The following KANK1 variants were observed in gnomAD, a reference collection of about 807,000 sequenced individuals.
KANK1 encodes the protein KN motif and ankyrin repeat domain-containing protein 1.
A neutral mutation model predicts 106.2 loss-of-function variants in KANK1; 109 were observed. The observed-to-expected ratio is 1.03, with a 90% CI of 0.88 to 1.20. KANK1 has a LOEUF of 1.20. Ranked by LOEUF, KANK1 falls within the 50% of genes most tolerant of loss-of-function variation. The pLI is 0.00. For synonymous variants in KANK1, 873 were observed against 652.2 expected, an observed-to-expected ratio of 1.34 and a Z score of -5.16; for missense variants, 2,399 against 1,710.7, an observed-to-expected ratio of 1.40 and a Z score of -7.10.
chr9:709,306 A>G (rs1318986872), intron 2 of KANK1, among the ~76,000 whole-genome samples: 6 of 152,174 alleles, frequency 3.9e-5, no homozygotes, highest in Non-Finnish European at 8.8e-5. Context: ...TAAATATCCC[A>G]TGCCCCAGCT....
At chr9:566,058 T>C (rs1244130823) in intron 1 of KANK1, among the ~76,000 whole-genome samples, 1 of 152,218 alleles carries the variant, frequency 6.6e-6, no homozygotes. Context: ...GTTGTTGTCC[T>C]CTATGTGCCC....
intron 1 of KANK1, among the ~76,000 whole-genome samples, chr9:601,423 C>G (rs1827714053): frequency 1.3e-5 from 2 of 151,758 alleles, no homozygotes; most frequent in Non-Finnish European, 2.9e-5. Context: ...CCTTGTCATT[C>G]CCTGTCAGTT....
intron 3 of KANK1, among the ~76,000 whole-genome samples, chr9:716,144 A>T (rs1391675089): frequency 6.6e-6 from 1 of 152,240 alleles, no homozygotes; most frequent in Non-Finnish European, 1.5e-5. Flanking sequence ...CACTTATATG[A>T]ACCTAACACA....
chr9:721,743 T>G (rs1294033168), intron 3 of KANK1, among the ~76,000 whole-genome samples: 1 of 152,232 alleles, frequency 6.6e-6, no homozygotes, highest in Non-Finnish European at 1.5e-5. Context: ...GGACTTTCAC[T>G]TCTTGTGGTA....
chr9:734,108 C>CAAAAAAAAAA (rs34096121), intron 6 of KANK1: 2 of 60,410 alleles, frequency 3.3e-5, no homozygotes, highest in Non-Finnish European at 5.5e-5. Context: ...GACCTTGTCT[C>CAAAAAAAAAA]AAAAAAAAAA....
intron 3 of KANK1, among the ~76,000 whole-genome samples, chr9:498,024 T>G (rs943336612): frequency 6.6e-6 from 1 of 152,124 alleles, no homozygotes; most frequent in Non-Finnish European, 1.5e-5. Context: ...TATACCCTCT[T>G]AGGCCCTGAT....
intron 1 of KANK1, among the ~76,000 whole-genome samples, chr9:649,937 GAA>G (rs1840521889): frequency 6.6e-6 from 1 of 152,140 alleles, no homozygotes; most frequent in African/African-American, 2.4e-5. Flanking sequence ...TTTAGAATGA[GAA>G]AAGAGGATTG....
chr9:614,103 G>T (rs1831222007), intron 1 of KANK1, among the ~76,000 whole-genome samples: 2 of 152,200 alleles, frequency 1.3e-5, no homozygotes, highest in Admixed American at 1.3e-4. Context: ...GCCAGTGGCT[G>T]CAGGGTTTCC....
At chr9:608,847 G>A (rs1829930995) in intron 1 of KANK1, among the ~76,000 whole-genome samples, 1 of 152,158 alleles carries the variant, frequency 6.6e-6, no homozygotes, top group South Asian at 2.1e-4. Flanking sequence ...AGCCAATGTT[G>A]AGACTGAGTG....
chr9:603,718 G>C (rs1279710414), intron 1 of KANK1, among the ~76,000 whole-genome samples: 1 of 151,672 alleles, frequency 6.6e-6, no homozygotes, highest in Non-Finnish European at 1.5e-5. Context: ...GACTTTGGGA[G>C]GTCGAGGCGG....
intron 1 of KANK1, among the ~76,000 whole-genome samples, chr9:547,580 G>C (rs1369217407): frequency 2.0e-5 from 3 of 151,556 alleles, no homozygotes; most frequent in African/African-American, 7.2e-5. Context: ...GCAAGCCTTG[G>C]TTGTGGGCAC....
intron 1 of KANK1, among the ~76,000 whole-genome samples, chr9:606,438 C>G (rs1829186225): frequency 6.8e-6 from 1 of 146,858 alleles, no homozygotes; most frequent in East Asian, 1.9e-4. Context: ...TGCCTGTAAT[C>G]TCAGCTACTC....
At chr9:550,474 G>A (rs908702253) in intron 1 of KANK1, among the ~76,000 whole-genome samples, 6 of 152,180 alleles carry the variant, frequency 3.9e-5, no homozygotes, top group Non-Finnish European at 8.8e-5. Context: ...GCCAGGTGGC[G>A]TGGCTCACAG....
At chr9:646,583 T>G (rs114093665) in intron 1 of KANK1, among the ~76,000 whole-genome samples, 1,625 of 149,894 alleles carry the variant, frequency 0.011, 149 homozygotes, top group African/African-American at 0.039. Context: ...ATCTCTCAGT[T>G]AGGTTCATTA....
At chr9:568,207 AT>A (rs1433320387) in intron 1 of KANK1, among the ~76,000 whole-genome samples, 1 of 152,122 alleles carries the variant, frequency 6.6e-6, no homozygotes, top group East Asian at 1.9e-4. Flanking sequence ...ACTTCTCAAG[AT>A]TTTTTACACC....
intron 2 of KANK1, among the ~76,000 whole-genome samples, chr9:679,855 G>C (rs1817172871): frequency 6.6e-6 from 1 of 152,050 alleles, no homozygotes; most frequent in Admixed American, 6.5e-5. Context: ...TTGAGAATAT[G>C]TTAATAAAAA....
At chr9:556,633 AAGATAAT>A (rs2061602861) in intron 1 of KANK1, among the ~76,000 whole-genome samples, 1 of 152,222 alleles carries the variant, frequency 6.6e-6, no homozygotes, top group South Asian at 2.1e-4. Context: ...TTGTTCCATT[AAGATAAT>A]TCTGTCATTT....
At chr9:528,080 C>T (rs1225902080) in intron 1 of KANK1, among the ~76,000 whole-genome samples, 1 of 151,440 alleles carries the variant, frequency 6.6e-6, no homozygotes, top group Non-Finnish European at 1.5e-5. Flanking sequence ...TTGCAGTGAG[C>T]CGAGATCGTG....
At chr9:602,893 C>G (rs886427330) in intron 1 of KANK1, among the ~76,000 whole-genome samples, 2 of 151,882 alleles carry the variant, frequency 1.3e-5, no homozygotes, top group Non-Finnish European at 2.9e-5. Context: ...TACATCTCAA[C>G]TCTTGAAGAG....
Sources: gnomAD v4.1 joint callset for allele counts (sites outside exome capture counted in the v4.1 genomes callset) on GRCh38, gnomAD v4.1.1 for gene constraint, MANE v1.5 for transcripts, NCBI Gene and HGNC (gene_info 2026-07-23, HGNC 2026-07-21) for gene names.